Variants in EHD4 observed in about 807,000 individuals in gnomAD.
The protein encoded by EHD4 is EH domain-containing protein 4.
EHD4 carries 37 observed loss-of-function variants against 51.0 expected under a neutral mutation model. That is an observed-to-expected ratio of 0.73 (90% confidence interval 0.56 to 0.95). EHD4 has a LOEUF of 0.95. Ranked by LOEUF, EHD4 falls within the 40% of genes least tolerant of loss-of-function variation. The probability of loss-of-function intolerance (pLI) is 0.00; values close to 1 mark genes in which losing one functional copy is unlikely to be tolerated. For synonymous variants in EHD4, 297 were observed against 317.3 expected (o/e 0.94, Z 0.68); for missense variants, 632 against 733.1 (o/e 0.86, Z 1.59).
Position 41,919,333 on chromosome 15 carries a change from G to A in EHD4, c.801C>T (p.Asn267=). ...CCTCGAAGAGCCGGCGGTTGTCCGT[G>A]TTCTGCAGGGGCTGCGCCCAGAAGG... The part of the protein sequence containing the change: ...IGSFWAQPLQ[N]TDNRRLFEAE... Residue 267 remains asparagine (N), a synonymous_variant, in exon 4 of 6, where the codon AAC becomes AAT. Transcript: ENST00000220325. 6.2e-7 allele frequency: 1 copy of A among 1,614,248 alleles called. No individual in the cohort carries two copies. The highest frequency in any genetic ancestry group is 2.2e-5 in the East Asian group (1 of 44,884).
intron 3 of EHD4, among the ~76,000 whole-genome samples, chr15:41,920,990 A>C (rs987900862): frequency 2.6e-5 from 4 of 152,190 alleles, no homozygotes; most frequent in Non-Finnish European, 5.9e-5. Flanking sequence ...GAGGTGAATA[A>C]TCTATTAGGT....
At chr15:41,934,916 A>G (rs913424065) in intron 3 of EHD4, among the ~76,000 whole-genome samples, 7 of 152,196 alleles carry the variant, frequency 4.6e-5, no homozygotes, top group African/African-American at 1.2e-4. Context: ...TAGGTAATCA[A>G]CAGAAGATTG....
In EHD4 at chr15:41,948,988, G is replaced by A. The variant is rs189133585; in HGVS notation, c.413+4776C>T. On this transcript the variant is annotated intron_variant, in intron 2 of 5. Transcript: ENST00000220325. ...TGCAGTGAGCTGTGATCGTGCCTCC[G>A]CGCTCCAGCCTGGGCAACAGAGTGA... Among the ~76,000 whole-genome samples the A allele has an allele frequency of 6.9e-3, 1,020 of 146,846 alleles. 14 individuals are homozygous for A. Among genetic ancestry groups the A allele is most frequent in the African/African-American group, 0.024 (961 of 40,092 alleles).
chr15:41,919,388 G>A lies in EHD4; in HGVS notation c.746C>T (p.Thr249Met), dbSNP rs764656471. 18 of 1,611,128 alleles carry A rather than the reference G, an allele frequency of 1.1e-5. No individual in the cohort carries two copies. Among genetic ancestry groups the A allele is most frequent in the Admixed American group, 3.3e-5 (2 of 59,742 alleles). Reference sequence around the variant, plus strand: ...AATGTAGACGCGCAGTACCTCGGGCGTGTTGATGACCTTGCCTAGGGACCA... The same window carrying A: ...AATGTAGACGCGCAGTACCTCGGGCATGTTGATGACCTTGCCTAGGGACCA... Reference protein sequence around the residue: ...LMWSLGKVINTPEVLRVYIGS... With the variant: ...LMWSLGKVINMPEVLRVYIGS... The change falls in exon 4 of 6, where the codon ACG becomes ATG. Residue 249 changes from threonine (T) to methionine (M), a missense_variant. Thr to Met is a moderately conservative substitution (Grantham distance 81, BLOSUM62 -1). Transcript: ENST00000220325.
In EHD4 at chr15:41,919,376, A is replaced by C. The variant is rs201972261; in HGVS notation, c.758T>G (p.Leu253Arg). ...CCAGAAGGAGCCAATGTAGACGCGC[A>C]GTACCTCGGGCGTGTTGATGACCTT... ...LGKVINTPEV[L>R]RVYIGSFWAQ... The change falls in exon 4 of 6, where the codon CTG (leucine) becomes CGG (arginine). Residue 253 changes from leucine (L) to arginine (R), a missense_variant. Physicochemically the swap from Leu to Arg is moderately radical, Grantham distance 102. Coordinates refer to ENST00000220325, the MANE Select transcript of EHD4 (RefSeq NM_139265.4). 34 of 1,613,568 alleles carry C rather than the reference A, an allele frequency of 2.1e-5. No individual in the cohort carries two copies. Among genetic ancestry groups the C allele is most frequent in the Non-Finnish European group, 2.5e-5 (30 of 1,179,654 alleles).
Position 41,900,737 on chromosome 15 carries a change from T to C in EHD4, c.1534A>G (p.Lys512Glu), listed in dbSNP as rs142369232. ...AGCTCGTAGCCGTCGAGCTTGATCT[T>C]GATGAGGTGCTTGGCCAGCGCGAAC... ...EEFALAKHLI[K>E]IKLDGYELPS... The change falls in exon 6 of 6, where the codon AAG (lysine) becomes GAG (glutamate). Residue 512 changes from lysine (K) to glutamate (E), a missense_variant. Transcript: ENST00000220325. The surrounding 1 kb of genome is among the most constrained non-coding windows in gnomAD (Gnocchi z 4.8). 6 of 1,613,190 alleles carry C rather than the reference T, an allele frequency of 3.7e-6. No individual in the cohort carries two copies. In the African/African-American group the frequency reaches 5.3e-5, roughly 14 times the overall value.
chr15:41,909,560 TATC>T (rs1268390062), intron 5 of EHD4, 136 bp downstream of exon 5: 11 of 1,015,468 alleles, frequency 1.1e-5, no homozygotes, highest in Non-Finnish European at 1.6e-5. Context: ...CATAGCCTAT[TATC>T]ATGGATCACC....
chr15:41,911,541 T>A (rs1397608004), intron 4 of EHD4, among the ~76,000 whole-genome samples: 3 of 152,182 alleles, frequency 2.0e-5, no homozygotes, highest in African/African-American at 7.2e-5. Flanking sequence ...AGCTGCCACG[T>A]TCCATCAGGG....
At chr15:41,947,234 G>A (rs548853283) in intron 2 of EHD4, among the ~76,000 whole-genome samples, 30 of 152,280 alleles carry the variant, frequency 2.0e-4, no homozygotes, top group African/African-American at 6.0e-4. Context: ...TAAAACAAAG[G>A]GGTGACGTGC....
chr15:41,966,099 C>T (rs2067960188), intron 1 of EHD4, among the ~76,000 whole-genome samples: 2 of 152,046 alleles, frequency 1.3e-5, no homozygotes, highest in South Asian at 4.2e-4. Context: ...GTCCACTTTT[C>T]ATTCTGCTGA....
intron 2 of EHD4, among the ~76,000 whole-genome samples, chr15:41,946,752 C>T (rs1214724655): frequency 6.6e-6 from 1 of 152,070 alleles, no homozygotes; most frequent in Non-Finnish European, 1.5e-5. Context: ...ACATACATAT[C>T]TACAGAAGGA....
At chr15:41,926,714 G>T (rs1006728525) in intron 3 of EHD4, among the ~76,000 whole-genome samples, 2 of 152,202 alleles carry the variant, frequency 1.3e-5, no homozygotes, top group Non-Finnish European at 1.5e-5. Flanking sequence ...AGCCTCTGCT[G>T]CAATTCTCAA....
chr15:41,949,023 T>TAG (rs2067834400), intron 2 of EHD4, among the ~76,000 whole-genome samples: 1 of 39,188 alleles, frequency 2.6e-5, no homozygotes, highest in Non-Finnish European at 6.4e-5. Context: ...AGACTATATA[T>TAG]ATATATATAT....
intron 1 of EHD4, among the ~76,000 whole-genome samples, chr15:41,959,521 C>T (rs1249530749): frequency 1.3e-5 from 2 of 151,534 alleles, no homozygotes; most frequent in East Asian, 1.9e-4. Flanking sequence ...ATTGCTATTG[C>T]CTGAAACATT....
chr15:41,963,208 T>TTTATCTGCTG (rs1305331516), intron 1 of EHD4, among the ~76,000 whole-genome samples: 1 of 151,682 alleles, frequency 6.6e-6, no homozygotes, highest in Non-Finnish European at 1.5e-5. Context: ...TGTTCACATG[T>TTTATCTGCTG]TTATCTGCTG....
At chr15:41,956,615 G>A (rs1001149173) in intron 1 of EHD4, among the ~76,000 whole-genome samples, 2 of 152,224 alleles carry the variant, frequency 1.3e-5, no homozygotes, top group African/African-American at 4.8e-5. Context: ...AGTTTTCTAA[G>A]TAGCGACCCT....
At chr15:41,906,470 G>C (rs1286899077) in intron 5 of EHD4, among the ~76,000 whole-genome samples, 3 of 152,124 alleles carry the variant, frequency 2.0e-5, no homozygotes, top group Admixed American at 6.5e-5. Context: ...TCAATTGTCA[G>C]CATGACCTTA....
chr15:41,954,037 T>C, intron 1 of EHD4, 97 bp from the exon 2 acceptor site: 1 of 1,339,876 alleles, frequency 7.5e-7, no homozygotes, highest in Non-Finnish European at 1.0e-6. Flanking sequence ...CATAATCATT[T>C]AAAAACGTAG....
rs1477564392 is a variant in EHD4 at position 41,972,308 on chromosome 15, T to G, written c.187A>C (p.Met63Leu). The change falls in exon 1 of 6, where the codon ATG becomes CTG. Residue 63 changes from methionine to leucine, a missense_variant. Transcript: ENST00000220325. The stretch of plus-strand genomic sequence containing the variant: ...CTGTACTGGCCCACCAGCAGGATCA[T>G]GGGCTTGTTCTCGAAGTCGGCGTCC... ...LEDADFENKPMILLVGQYSTG... is the reference protein window; with the variant it reads ...LEDADFENKPLILLVGQYSTG... The G allele has an allele frequency of 5.0e-6, 8 of 1,611,008 alleles. No individual in the cohort carries two copies. In the South Asian group the frequency reaches 8.8e-5, roughly 18 times the overall value.
Sources: gnomAD v4.1 joint callset for allele counts (sites outside exome capture counted in the v4.1 genomes callset) on GRCh38, gnomAD v4.1.1 for gene constraint, Gnocchi (gnomAD v3.1) non-coding constraint, MANE v1.5 for transcripts, NCBI Gene and HGNC (gene_info 2026-07-23, HGNC 2026-07-21) for gene names.